FAM161B: variants seen among roughly 807,000 people sequenced by gnomAD.
FAM161B encodes protein FAM161B.
FAM161B carries 46 observed loss-of-function variants against 61.5 expected under a neutral mutation model. The ratio of observed to expected loss-of-function variants is 0.75; its 90% CI spans 0.59 to 0.96. The LOEUF (loss-of-function observed/expected upper bound fraction) is 0.96, where lower values mean the gene tolerates loss of function less well. FAM161B is among the 40% of genes least tolerant of loss of function. FAM161B has a pLI of 0.00. For synonymous variants in FAM161B, 284 were observed against 302.7 expected (o/e 0.94, Z 0.64); for missense variants, 774 against 800.7 (o/e 0.97, Z 0.40).
Position 73,944,891 on chromosome 14 carries a change from A to G in FAM161B, c.375-6T>C, listed in dbSNP as rs776634471. On this transcript the variant is annotated splice_region_variant and splice_polypyrimidine_tract_variant and intron_variant, in intron 2 of 8. Coordinates refer to ENST00000286544, the MANE Select transcript of FAM161B (RefSeq NM_152445.3). ...AGCGCCTTGTGGAGCCACACCTGGG[A>G]AAAAAGCAGATCTGTGAGTGGAGGA... The G allele has an allele frequency of 4.1e-5, 62 of 1,505,978 alleles. No homozygotes were observed. Among genetic ancestry groups the G allele is most frequent in the South Asian group, 1.6e-4 (12 of 74,942 alleles). 93.3% of individuals were successfully genotyped at this position (1,505,978 alleles called of 1,614,324 possible).
At chr14:73,940,658 G>T (rs2056010079) in intron 5 of FAM161B, among the ~76,000 whole-genome samples, 1 of 152,104 alleles carries the variant, frequency 6.6e-6, no homozygotes, top group Non-Finnish European at 1.5e-5. Context: ...TTTCAGACTA[G>T]ATAATAAACT....
intron 1 of FAM161B, among the ~76,000 whole-genome samples, chr14:73,949,698 GT>G: frequency 8.2e-6 from 1 of 122,020 alleles, no homozygotes; most frequent in Non-Finnish European, 1.9e-5. Flanking sequence ...TTGTGCCTCA[GT>G]TTTCTCTTCT....
At chr14:73,948,995 T>C (rs1336568386) in intron 1 of FAM161B, among the ~76,000 whole-genome samples, 1 of 152,164 alleles carries the variant, frequency 6.6e-6, no homozygotes, top group Non-Finnish European at 1.5e-5. Flanking sequence ...CTTGGCTCAC[T>C]GCAACCTCCA....
At chr14:73,940,719 G>C (rs1360731476) in intron 5 of FAM161B, among the ~76,000 whole-genome samples, 1 of 152,198 alleles carries the variant, frequency 6.6e-6, no homozygotes, top group Non-Finnish European at 1.5e-5. Flanking sequence ...CACAGAATAA[G>C]CCCACTATGA....
the FAM161B span, chr14:73,923,429 T>G: frequency 1.1e-4 from 183 of 1,614,010 alleles, 5 homozygotes; most frequent in East Asian, 4.0e-3. Context: ...GTTCCCTGTC[T>G]TCAGTGCCTG....
At chr14:73,947,329 G>A (rs2056075424) in intron 1 of FAM161B, among the ~76,000 whole-genome samples, 1 of 144,884 alleles carries the variant, frequency 6.9e-6, no homozygotes, top group Non-Finnish European at 1.5e-5. Context: ...AGGTGGCAGT[G>A]AGATGAGATT....
In FAM161B at chr14:73,937,614, T is replaced by A. The variant is rs762068235; in HGVS notation, c.1653A>T (p.Glu551Asp). The change falls in exon 7 of 9, where the codon GAA becomes GAT. Residue 551 changes from glutamate (E) to aspartate (D), a missense_variant. Physicochemically the swap from Glu to Asp is conservative, Grantham distance 45 (BLOSUM62 2). Coordinates refer to ENST00000286544, the MANE Select transcript of FAM161B (RefSeq NM_152445.3). ...QRIQTRPYLF[E>D]QVAKDLAKKE... ...GGTTTAGTTTTACCTTGGCAACTTG[T>A]TCAAAGAGATAGGGCCTTGTTTGTA... 7 of 1,613,256 alleles carry A rather than the reference T, an allele frequency of 4.3e-6. No individual in the cohort carries two copies. Among genetic ancestry groups the A allele is most frequent in the Non-Finnish European group, 5.9e-6 (7 of 1,179,872 alleles).
rs749963801 is a variant in FAM161B, at chr14:73,938,098, T to A, written c.1415A>T (p.Lys472Ile). Residue 472 changes from lysine to isoleucine, a missense_variant, in exon 6 of 9, where the codon AAA becomes ATA. Physicochemically the swap from Lys to Ile is moderately radical, Grantham distance 102. Transcript: ENST00000286544. ...AATACTCTCATCTGCTTTGTTCTTT[T>A]TTTCAAGTGCACTTCTAAAGGAAGG... ...RESAVRSALE[K>I]KNKADESIQW... 1 of 1,614,170 alleles carries A rather than the reference T, an allele frequency of 6.2e-7. No individual in the cohort carries two copies. Among genetic ancestry groups the A allele is most frequent in the South Asian group, 1.1e-5 (1 of 91,078 alleles).
At chr14:73,932,074 A>G, downstream of FAM161B, 1 of 454,904 alleles carries the variant, frequency 2.2e-6, no homozygotes, top group Non-Finnish European at 4.4e-6. Context: ...GGGCTGCAAA[A>G]AAATAAATTA....
intron 5 of FAM161B, among the ~76,000 whole-genome samples, chr14:73,939,538 G>A (rs1347406737): frequency 1.3e-5 from 2 of 152,202 alleles, no homozygotes; most frequent in African/African-American, 4.8e-5. Flanking sequence ...TACCCAGCAT[G>A]CCAGTGGAAA....
Position 73,934,126 on chromosome 14 carries a change from A to C in FAM161B, c.*130T>G. On this transcript the variant is annotated 3_prime_UTR_variant, in exon 9 of 9. Coordinates refer to ENST00000286544, the MANE Select transcript of FAM161B (RefSeq NM_152445.3). Reference sequence around the variant, plus strand: ...CGTGAGCCACTGCGCCTGGCCTGTTAATCTGCTACTCTTCATTTGTCCATC... The same window carrying C: ...CGTGAGCCACTGCGCCTGGCCTGTTCATCTGCTACTCTTCATTTGTCCATC... 5 of 1,147,570 alleles carry C rather than the reference A, an allele frequency of 4.4e-6. No homozygotes were observed. The highest frequency in any genetic ancestry group is 3.2e-5 in the South Asian group (2 of 62,960). 71.1% of individuals were successfully genotyped at this position (1,147,570 alleles called of 1,614,324 possible).
chr14:73,937,572 G>A, intron 7 of FAM161B, 30 bp downstream of exon 7: 3 of 1,589,134 alleles, frequency 1.9e-6, no homozygotes, highest in Non-Finnish European at 2.6e-6. Context: ...ATCTAAGGCA[G>A]AAAGAAAACA....
At chr14:73,949,284 TA>T (rs1339791229) in intron 1 of FAM161B, among the ~76,000 whole-genome samples, 1 of 152,138 alleles carries the variant, frequency 6.6e-6, no homozygotes, top group Non-Finnish European at 1.5e-5. Context: ...GTATTTTTTT[TA>T]GTAGAGACAG....
rs372718571 is a variant in FAM161B, at chr14:73,944,411, G to A, written c.849C>T (p.Ala283=). The change falls in exon 3 of 9, where the codon GCC becomes GCT. Residue 283 remains alanine (A), a synonymous_variant. Transcript: ENST00000286544. ...RQRDLAATAE[A]KISKQKATRR... ...TGGTGGCCTTCTGCTTGGAGATCTT[G>A]GCTTCAGCTGTGGCTGCCAAGTCTC... 12 of 1,611,812 alleles carry A rather than the reference G, an allele frequency of 7.4e-6. No homozygotes were observed. In the South Asian group the frequency reaches 1.1e-4, roughly 15 times the overall value.
chr14:73,932,848 G>A lies in FAM161B; in HGVS notation c.*1408C>T. ...TGTGTTGCCCAGGCTGGTCTTGAAC[G>A]CCTGGCTTCAAGCGATCCTCCTGCC... On this transcript the variant is annotated 3_prime_UTR_variant, in exon 9 of 9. Transcript: ENST00000286544. 1 of 169,254 alleles carries A rather than the reference G, an allele frequency of 5.9e-6. No individual in the cohort carries two copies. Among genetic ancestry groups the A allele is most frequent in the Non-Finnish European group, 1.3e-5 (1 of 78,472 alleles). 10.5% of individuals were successfully genotyped at this position (169,254 alleles called of 1,614,324 possible).
chr14:73,923,139 T>G, the FAM161B span, among the ~76,000 whole-genome samples: 1 of 152,216 alleles, frequency 6.6e-6, no homozygotes, highest in Admixed American at 6.5e-5. Context: ...TCATACATAG[T>G]TTTAATTCAG....
At position 73,932,880 on chromosome 14, in the gene FAM161B, C is replaced by T. The variant is rs937269929; in HGVS notation, c.*1376G>A. The stretch of plus-strand genomic sequence containing the variant: ...TTCAAGCGATCCTCCTGCCTTGGCC[C>T]CTCAAAGTGCTGGGATTACAAGCAT... On this transcript the variant is annotated 3_prime_UTR_variant, in exon 9 of 9. Transcript: ENST00000286544. 15 of 159,120 alleles carry T rather than the reference C, an allele frequency of 9.4e-5. No homozygotes were observed. The highest frequency in any genetic ancestry group is 1.5e-4 in the Non-Finnish European group (11 of 72,372). The allele number at this position is 159,120 out of a possible 1,614,324, so 9.9% of individuals were successfully genotyped here. A position where few individuals can be genotyped will look rare whatever the true frequency, so the allele number is the denominator to read the frequency against.
chr14:73,929,077 A>T (rs2055874694), downstream of FAM161B, among the ~76,000 whole-genome samples: 1 of 152,216 alleles, frequency 6.6e-6, no homozygotes, highest in Non-Finnish European at 1.5e-5. Context: ...GTAGCTCAAA[A>T]TCCTGCACTG....
In FAM161B at chr14:73,938,548, G is replaced by A. The variant is rs192805637; in HGVS notation, c.1401-436C>T. On this transcript the variant is annotated intron_variant, in intron 5 of 8. Transcript: ENST00000286544. ...AGCACTTTGGGAGGCCGAGGCGGGC[G>A]GATCACAAGGTCAGGAGATCGAGAC... 6.0e-4 allele frequency among the ~76,000 whole-genome samples: 91 copies of A among 151,066 alleles called. 1 individual carries two copies. In the East Asian group the frequency reaches 0.015, roughly 26 times the overall value.
Sources: allele counts gnomAD v4.1 joint callset (sites outside exome capture counted in the v4.1 genomes callset), GRCh38; gene constraint gnomAD v4.1.1; transcripts MANE v1.5; gene names NCBI Gene and HGNC (gene_info 2026-07-23, HGNC 2026-07-21).